Variants in GRIK2 observed in about 807,000 individuals in gnomAD.
The protein encoded by GRIK2 is glutamate ionotropic receptor kainate type subunit 2, also known as glutamate receptor ionotropic, kainate 2.
In GRIK2, 32 loss-of-function variants were observed where a neutral mutation model predicts 100.3. The ratio of observed to expected loss-of-function variants is 0.32; its 90% CI spans 0.24 to 0.43. The LOEUF (loss-of-function observed/expected upper bound fraction) is 0.43, where lower values mean the gene tolerates loss of function less well. Among genes scored for constraint, GRIK2 ranks in the 20% least tolerant of loss-of-function variants. The probability of loss-of-function intolerance (pLI) is 1.00; values close to 1 mark genes in which losing one functional copy is unlikely to be tolerated. For synonymous variants in GRIK2, 417 were observed against 389.4 expected, an observed-to-expected ratio of 1.07 and a Z score of -0.83; for missense variants, 843 against 1,114.9, an observed-to-expected ratio of 0.76 and a Z score of 3.47.
chr6:102,039,209 T>C (rs1006344004), intron 15 of GRIK2, among the ~76,000 whole-genome samples: 2 of 151,440 alleles, frequency 1.3e-5, no homozygotes, highest in Non-Finnish European at 3.0e-5. Context: ...ATAAGCTATT[T>C]AATTAAGGAA....
At chr6:101,859,517 A>G (rs1784622002) in intron 11 of GRIK2, 24 bp downstream of exon 11, 1 of 1,348,328 alleles carries the variant, frequency 7.4e-7, no homozygotes, top group African/African-American at 1.4e-5. Context: ...CTCATGATTT[A>G]TTAGTTTGTT....
intron 11 of GRIK2, among the ~76,000 whole-genome samples, chr6:101,876,830 T>C (rs1785884648): frequency 6.6e-6 from 1 of 151,918 alleles, no homozygotes; most frequent in South Asian, 2.1e-4. Flanking sequence ...TAATGAATCT[T>C]GTGGCCAGTA....
intron 7 of GRIK2, among the ~76,000 whole-genome samples, chr6:101,706,244 T>A (rs897568948): frequency 6.6e-6 from 1 of 151,920 alleles, no homozygotes; most frequent in African/African-American, 2.4e-5. Context: ...TTTAAAAAAA[T>A]TAAACCTTTT....
intron 11 of GRIK2, among the ~76,000 whole-genome samples, chr6:101,861,296 T>C (rs1784719685): frequency 6.6e-6 from 1 of 152,160 alleles, no homozygotes; most frequent in Non-Finnish European, 1.5e-5. Flanking sequence ...TATTTATGAG[T>C]GTTTGTGTTG....
At chr6:101,684,914 G>A (rs1771569083) in intron 6 of GRIK2, among the ~76,000 whole-genome samples, 1 of 152,018 alleles carries the variant, frequency 6.6e-6, no homozygotes, top group Non-Finnish European at 1.5e-5. Context: ...TCCTTTCTGT[G>A]GGGGTAGGTC....
chr6:101,705,357 A>C (rs572063480), intron 7 of GRIK2, among the ~76,000 whole-genome samples: 2 of 151,722 alleles, frequency 1.3e-5, no homozygotes, highest in East Asian at 3.9e-4. Flanking sequence ...ACATGTATAA[A>C]GTTCTACAAA....
At chr6:101,443,117 A>G (rs905581868) in intron 2 of GRIK2, among the ~76,000 whole-genome samples, 3 of 152,128 alleles carry the variant, frequency 2.0e-5, no homozygotes, top group Non-Finnish European at 2.9e-5. Context: ...AGGTGTCACT[A>G]TTTCTAAAAA....
intron 2 of GRIK2, among the ~76,000 whole-genome samples, chr6:101,601,119 A>G (rs1241415507): frequency 1.2e-5 from 1 of 85,606 alleles, no homozygotes; most frequent in East Asian, 3.0e-4. Context: ...TAGTTTGTTG[A>G]GTTTTTTTTT....
chr6:101,631,942 A>G (rs1780761430), intron 4 of GRIK2, among the ~76,000 whole-genome samples: 1 of 152,110 alleles, frequency 6.6e-6, no homozygotes, highest in South Asian at 2.1e-4. Flanking sequence ...AGTGTGATGT[A>G]GCCCCTATAC....
chr6:101,606,138 T>C (rs1340023512), intron 2 of GRIK2, among the ~76,000 whole-genome samples: 1 of 151,970 alleles, frequency 6.6e-6, no homozygotes. Context: ...GCTAAGTCAT[T>C]ATATTAACTT....
intron 4 of GRIK2, among the ~76,000 whole-genome samples, chr6:101,673,498 C>T (rs145308582): frequency 1.3e-5 from 2 of 152,154 alleles, no homozygotes; most frequent in African/African-American, 2.4e-5. Context: ...GAAGCAGCCC[C>T]GTGCTTGCAT....
chr6:101,912,002 G>T (rs1043332489), intron 12 of GRIK2, among the ~76,000 whole-genome samples: 4 of 149,716 alleles, frequency 2.7e-5, no homozygotes, highest in African/African-American at 7.4e-5. Context: ...AAACTTGTGG[G>T]TTATCAATTC....
chr6:101,872,154 A>C (rs1406444465), intron 11 of GRIK2, among the ~76,000 whole-genome samples: 1 of 151,944 alleles, frequency 6.6e-6, no homozygotes, highest in African/African-American at 2.4e-5. Context: ...CAGGAATATA[A>C]AATTCGTGTC....
At chr6:102,033,698 T>C (rs1475210474) in intron 14 of GRIK2, among the ~76,000 whole-genome samples, 1 of 151,326 alleles carries the variant, frequency 6.6e-6, no homozygotes, top group Non-Finnish European at 1.5e-5. Flanking sequence ...GACTTTTCTA[T>C]CTAAATATAT....
chr6:101,784,161 C>G (rs1333161125), intron 7 of GRIK2, among the ~76,000 whole-genome samples: 4 of 152,224 alleles, frequency 2.6e-5, no homozygotes, highest in African/African-American at 9.6e-5. Flanking sequence ...CACAGCAGCT[C>G]CTTCCATCAC....
intron 7 of GRIK2, among the ~76,000 whole-genome samples, chr6:101,753,588 A>T (rs1776937774): frequency 6.6e-6 from 1 of 152,058 alleles, no homozygotes; most frequent in South Asian, 2.1e-4. Flanking sequence ...TTTTATTTCT[A>T]TGTCTTTACT....
intron 14 of GRIK2, among the ~76,000 whole-genome samples, chr6:102,014,459 C>T (rs566800603): frequency 1.4e-4 from 21 of 151,844 alleles, no homozygotes; most frequent in African/African-American, 3.9e-4. Flanking sequence ...GGTCTGATTT[C>T]GGTTATTTCT....
intron 2 of GRIK2, among the ~76,000 whole-genome samples, chr6:101,467,997 A>C (rs1771746438): frequency 6.6e-6 from 1 of 151,912 alleles, no homozygotes; most frequent in African/African-American, 2.4e-5. Flanking sequence ...AGCCACTTCA[A>C]GTCTGCCAGC....
intron 14 of GRIK2, among the ~76,000 whole-genome samples, chr6:102,026,816 C>T (rs1324422465): frequency 1.3e-5 from 2 of 151,054 alleles, no homozygotes; most frequent in Non-Finnish European, 3.0e-5. Context: ...CAGAATTATC[C>T]CAAGGCTGAC....
Sources: gnomAD v4.1 joint callset for allele counts (sites outside exome capture counted in the v4.1 genomes callset) on GRCh38, gnomAD v4.1.1 for gene constraint, MANE v1.5 for transcripts, NCBI Gene and HGNC (gene_info 2026-07-23, HGNC 2026-07-21) for gene names.